MBNL1: variants seen among roughly 807,000 people sequenced by gnomAD.
MBNL1 encodes the protein muscleblind-like protein 1.
A neutral mutation model predicts 42.2 loss-of-function variants in MBNL1; 8 were observed. That is an observed-to-expected ratio of 0.19 (90% confidence interval 0.11 to 0.34). MBNL1 has a LOEUF of 0.34. MBNL1 is among the 10% of genes least tolerant of loss of function. The probability of loss-of-function intolerance (pLI) is 1.00; values close to 1 mark genes in which losing one functional copy is unlikely to be tolerated. For missense variants in MBNL1, 309 were observed against 495.3 expected (o/e 0.62, Z 3.57); for synonymous variants, 169 against 173.9 (o/e 0.97, Z 0.22).
chr3:152,373,897 TAGAG>T (rs1159556292), intron 2 of MBNL1, among the ~76,000 whole-genome samples: 1 of 152,216 alleles, frequency 6.6e-6, no homozygotes, highest in Non-Finnish European at 1.5e-5. Context: ...TGTACAAAAG[TAGAG>T]AGAATAGTGT....
intron 1 of MBNL1, among the ~76,000 whole-genome samples, chr3:152,283,432 CAA>C (rs1231361511): frequency 1.3e-5 from 2 of 152,174 alleles, no homozygotes; most frequent in East Asian, 3.8e-4. Flanking sequence ...AGAAATGAAA[CAA>C]GTACTTATGA....
In MBNL1 at chr3:152,300,385, T is replaced by C. The variant is rs766438725; in HGVS notation, c.174+18T>C. On this transcript the variant is annotated intron_variant, in intron 2 of 9. Coordinates refer to ENST00000324210, the MANE Select transcript of MBNL1 (RefSeq NM_021038.5). Reference sequence around the variant, plus strand: ...CATTGAAAGTGAGTAACTATTATATTCTTTTAAGGATATTCAATGATTGAA... The same window carrying C: ...CATTGAAAGTGAGTAACTATTATATCCTTTTAAGGATATTCAATGATTGAA... The C allele has an allele frequency of 3.8e-6, 6 of 1,597,320 alleles. No homozygotes were observed. Among genetic ancestry groups the C allele is most frequent in the African/African-American group, 1.3e-5 (1 of 74,712 alleles).
At chr3:152,419,300 G>T (rs1326218317) in intron 3 of MBNL1, among the ~76,000 whole-genome samples, 1 of 152,010 alleles carries the variant, frequency 6.6e-6, no homozygotes, top group Admixed American at 6.6e-5. Context: ...GGCCAAATAG[G>T]AGCAACTCCA....
intron 2 of MBNL1, among the ~76,000 whole-genome samples, chr3:152,403,718 TG>T (rs2098329020): frequency 6.6e-6 from 1 of 152,174 alleles, no homozygotes; most frequent in African/African-American, 2.4e-5. Context: ...TGCTTTTTTT[TG>T]CCTCAAGAGA....
intron 2 of MBNL1, among the ~76,000 whole-genome samples, chr3:152,409,492 CA>C (rs1350048286): frequency 6.6e-6 from 1 of 151,060 alleles, no homozygotes; most frequent in East Asian, 1.9e-4. Flanking sequence ...TAAGAATTTT[CA>C]ATAGCTAACT....
At chr3:152,278,412 A>G (rs907576654) in intron 1 of MBNL1, among the ~76,000 whole-genome samples, 2 of 152,104 alleles carry the variant, frequency 1.3e-5, no homozygotes, top group Non-Finnish European at 2.9e-5. Context: ...GCATTGCATG[A>G]CCTTTCCAAA....
intron 2 of MBNL1, among the ~76,000 whole-genome samples, chr3:152,317,059 G>A (rs547625484): frequency 1.1e-3 from 163 of 151,742 alleles, no homozygotes; most frequent in East Asian, 4.3e-3. Flanking sequence ...TATAAATACC[G>A]TTTCCTATGA....
chr3:152,412,382 T>G (rs2098601792), intron 2 of MBNL1, among the ~76,000 whole-genome samples: 1 of 152,168 alleles, frequency 6.6e-6, no homozygotes, highest in Non-Finnish European at 1.5e-5. Flanking sequence ...AAAATGTTAA[T>G]TTCTGGGCCC....
chr3:152,400,588 C>T (rs751887760), intron 2 of MBNL1, among the ~76,000 whole-genome samples: 3 of 152,070 alleles, frequency 2.0e-5, no homozygotes, highest in East Asian at 1.9e-4. Context: ...CTGTTATCCC[C>T]GCTTTTTCCT....
At chr3:152,342,660 A>G (rs530882761) in intron 2 of MBNL1, among the ~76,000 whole-genome samples, 30 of 151,884 alleles carry the variant, frequency 2.0e-4, no homozygotes, top group South Asian at 1.5e-3. Context: ...TCTCAACTCT[A>G]ACCATAACTT....
chr3:152,286,896 A>G (rs2150741921), intron 1 of MBNL1, among the ~76,000 whole-genome samples: 1 of 152,266 alleles, frequency 6.6e-6, no homozygotes, highest in East Asian at 1.9e-4. Flanking sequence ...GGCAGAACTA[A>G]AACATAAATG....
At chr3:152,445,119 A>G (rs2099204296) in intron 4 of MBNL1, among the ~76,000 whole-genome samples, 163 bp from the exon 5 acceptor site, 1 of 152,190 alleles carries the variant, frequency 6.6e-6, no homozygotes, top group Admixed American at 6.5e-5. Context: ...ATAATTTGTA[A>G]CTAAACTAGG....
chr3:152,449,046 C>T (rs1284645336), intron 6 of MBNL1, among the ~76,000 whole-genome samples: 1 of 152,186 alleles, frequency 6.6e-6, no homozygotes, highest in African/African-American at 2.4e-5. Flanking sequence ...ACTTTCTTCT[C>T]AACATGCATA....
At chr3:152,287,052 T>C (rs1444835849) in intron 1 of MBNL1, among the ~76,000 whole-genome samples, 1 of 152,010 alleles carries the variant, frequency 6.6e-6, no homozygotes, top group East Asian at 1.9e-4. Context: ...ACCCCGTCTC[T>C]ACTGAAAATA....
chr3:152,419,874 T>C (rs1473986937), intron 3 of MBNL1, among the ~76,000 whole-genome samples: 2 of 152,148 alleles, frequency 1.3e-5, no homozygotes, highest in Non-Finnish European at 1.5e-5. Flanking sequence ...CTTGAAATTC[T>C]TGCTGCCAGC....
rs554395534 is a variant in MBNL1, at chr3:152,254,772, G to A, written n.333+10332G>A. On this transcript the variant is annotated intron_variant and non_coding_transcript_variant, in intron 2 of 2. Coordinates refer to the MBNL1 transcript ENST00000477171. ...GTAACAATAATAGCTCTGCTATTTC[G>A]TGTTAAACTTTTTTTGTATCATCAT... Among the ~76,000 whole-genome samples the A allele has an allele frequency of 1.4e-3, 213 of 152,062 alleles. 6 individuals carry two copies. The South Asian group carries it at 0.043, about 31-fold the overall frequency.
intron 6 of MBNL1, among the ~76,000 whole-genome samples, chr3:152,451,700 G>A (rs1258043210): frequency 6.6e-6 from 1 of 152,070 alleles, no homozygotes; most frequent in African/African-American, 2.4e-5. Context: ...AGTTCCAAAC[G>A]CTACAATTCC....
intron 2 of MBNL1, among the ~76,000 whole-genome samples, chr3:152,383,487 T>C (rs968965084): frequency 7.2e-5 from 11 of 152,032 alleles, no homozygotes; most frequent in Non-Finnish European, 1.6e-4. Flanking sequence ...ACCTTGGTTA[T>C]AGAGAATTAG....
At chr3:152,380,476 T>G (rs911280662) in intron 2 of MBNL1, among the ~76,000 whole-genome samples, 2 of 152,080 alleles carry the variant, frequency 1.3e-5, no homozygotes, top group Admixed American at 6.6e-5. Flanking sequence ...GGAAAAACTT[T>G]CCAATTGTTA....
Sources: gnomAD v4.1 joint callset for allele counts (sites outside exome capture counted in the v4.1 genomes callset) on GRCh38, gnomAD v4.1.1 for gene constraint, MANE v1.5 for transcripts, NCBI Gene and HGNC (gene_info 2026-07-23, HGNC 2026-07-21) for gene names.